Variants in WDR18 observed in about 807,000 individuals in gnomAD.
WDR18 encodes WD repeat domain 18.
Under a neutral mutation model 49.6 loss-of-function variants are expected in WDR18, and 33 were observed. That is an observed-to-expected ratio of 0.67 (90% CI 0.50 to 0.89). The LOEUF is 0.89. WDR18 is among the 40% of genes least tolerant of loss of function. WDR18 has a pLI of 0.00. For synonymous variants in WDR18, 315 were observed against 263.6 expected (o/e 1.19, Z -1.89); for missense variants, 653 against 593.6 (o/e 1.10, Z -1.04).
chr19:990,470 T>C (rs1426354411), intron 4 of WDR18, 106 bp downstream of exon 4: 2 of 1,386,236 alleles, frequency 1.4e-6, no homozygotes, highest in Non-Finnish European at 1.9e-6. Context: ...CTGTCAGGAC[T>C]CCAGACGGCT....
intron 8 of WDR18, among the ~76,000 whole-genome samples, chr19:993,425 C>T (rs73497105): frequency 0.026 from 3,899 of 152,350 alleles, 171 homozygotes; most frequent in African/African-American, 0.089. Context: ...TGGCTCCCTT[C>T]CTCCCGTGAC....
intron 7 of WDR18, among the ~76,000 whole-genome samples, 158 bp downstream of exon 7, chr19:991,509 T>C (rs1407761435): frequency 8.9e-5 from 2 of 22,484 alleles, no homozygotes; most frequent in Non-Finnish European, 1.7e-4. Flanking sequence ...GCTGGGGGAG[T>C]GGACTGGCTG....
intron 1 of WDR18, 121 bp from the exon 2 acceptor site, chr19:985,744 G>T (rs576329670): frequency 9.4e-6 from 8 of 854,124 alleles, no homozygotes; most frequent in South Asian, 9.2e-5. Flanking sequence ...CCCTGCTCCC[G>T]ACTCCTCTTC....
chr19:988,277 G>A (rs930388455), intron 2 of WDR18, among the ~76,000 whole-genome samples: 2 of 151,816 alleles, frequency 1.3e-5, no homozygotes, highest in Non-Finnish European at 2.9e-5. Flanking sequence ...GTGTGTGAGC[G>A]GTGAGTCAGG....
intron 8 of WDR18, 22 bp downstream of exon 8, chr19:992,143 C>A: frequency 7.0e-7 from 1 of 1,434,762 alleles, no homozygotes; most frequent in Non-Finnish European, 9.1e-7. Flanking sequence ...AGCAGGGAAC[C>A]CCCACTGCCC....
intron 2 of WDR18, among the ~76,000 whole-genome samples, chr19:988,127 G>GC (rs2038496076): frequency 6.7e-6 from 1 of 148,474 alleles, no homozygotes; most frequent in African/African-American, 2.5e-5. Flanking sequence ...ACTGCAGCTG[G>GC]CCCTCCTGGA....
intron 5 of WDR18, 36 bp downstream of exon 5, chr19:991,031 G>A: frequency 6.3e-7 from 1 of 1,598,716 alleles, no homozygotes; most frequent in Non-Finnish European, 8.5e-7. Context: ...ACCCTGCCCT[G>A]GGGCTGAGGG....
At chr19:988,627 C>T (rs2038501198) in intron 2 of WDR18, among the ~76,000 whole-genome samples, 1 of 152,200 alleles carries the variant, frequency 6.6e-6, no homozygotes, top group African/African-American at 2.4e-5. Flanking sequence ...AGAAACTCGG[C>T]CCCCATCCTT....
chr19:986,818 G>A (rs942049248), intron 2 of WDR18, among the ~76,000 whole-genome samples: 3 of 152,196 alleles, frequency 2.0e-5, no homozygotes, highest in Non-Finnish European at 4.4e-5. Context: ...GGCCCATACC[G>A]TAGCTGTGGC....
intron 2 of WDR18, among the ~76,000 whole-genome samples, chr19:987,501 G>A (rs528704941): frequency 3.3e-4 from 51 of 152,264 alleles, no homozygotes; most frequent in Middle Eastern, 3.4e-3. Context: ...GGGCTCAAGC[G>A]ATCCTCCCAG....
chr19:985,780 C>G, intron 1 of WDR18, 85 bp from the exon 2 acceptor site: 1 of 1,311,842 alleles, frequency 7.6e-7, no homozygotes, highest in Admixed American at 1.8e-5. Context: ...AGCCATTGCC[C>G]AGGCGTCCCC....
At chr19:983,318 G>C (rs956132191), upstream of WDR18, among the ~76,000 whole-genome samples, 1 of 151,888 alleles carries the variant, frequency 6.6e-6, no homozygotes, top group Admixed American at 6.6e-5. Flanking sequence ...GTTTTTCTTT[G>C]AGACAGAGTC....
intron 2 of WDR18, among the ~76,000 whole-genome samples, chr19:987,845 T>TTTTTTTTTTTTTTTTTTTTTTTTG (rs2038492455): frequency 7.0e-6 from 1 of 143,034 alleles, no homozygotes; most frequent in Non-Finnish European, 1.5e-5. Flanking sequence ...TTTTTTTTTT[T>TTTTTTTTTTTTTTTTTTTTTTTTG]TTTTTTTCAG....
intron 4 of WDR18, chr19:990,576 C>A: frequency 1.1e-6 from 1 of 884,848 alleles, no homozygotes; most frequent in Non-Finnish European, 1.6e-6. Flanking sequence ...GGCTCCCTGG[C>A]CAAGCCTGGG....
At chr19:983,452 G>A (rs2038438791), upstream of WDR18, among the ~76,000 whole-genome samples, 1 of 151,924 alleles carries the variant, frequency 6.6e-6, no homozygotes, top group African/African-American at 2.4e-5. Flanking sequence ...TGTAAAGACG[G>A]GGTTTCGCCA....
chr19:991,838 G>C, intron 7 of WDR18, 117 bp from the exon 8 acceptor site: 1 of 1,141,058 alleles, frequency 8.8e-7, no homozygotes, highest in East Asian at 4.2e-5. Flanking sequence ...GGCGTGGACT[G>C]GCTGTGGGGC....
At chr19:989,917 CCTGCACCTGGAA>C in intron 3 of WDR18, 22 bp downstream of exon 3, 1 of 1,580,008 alleles carries the variant, frequency 6.3e-7, no homozygotes, top group Non-Finnish European at 8.6e-7. Flanking sequence ...CGCACTCAGG[CCTGCACCTGGAA>C]CTGCACCCGG....
At chr19:990,587 G>A in intron 4 of WDR18, 1 of 835,730 alleles carries the variant, frequency 1.2e-6, no homozygotes, top group Non-Finnish European at 1.8e-6. Context: ...CAAGCCTGGG[G>A]AATCGGAGGT....
intron 8 of WDR18, 42 bp from the exon 9 acceptor site, chr19:993,978 G>A: frequency 6.5e-7 from 1 of 1,545,948 alleles, no homozygotes. Context: ...TGTGGTGTGT[G>A]ACAGGACGCG....
Sources: gnomAD v4.1 joint callset for allele counts (sites outside exome capture counted in the v4.1 genomes callset) on GRCh38, gnomAD v4.1.1 for gene constraint, MANE v1.5 for transcripts, NCBI Gene and HGNC (gene_info 2026-07-23, HGNC 2026-07-21) for gene names.